CRIP2: variants seen among roughly 807,000 people sequenced by gnomAD.
CRIP2 encodes the protein cysteine-rich protein 2.
CRIP2 carries 31 observed loss-of-function variants against 31.3 expected under a neutral mutation model. That is an observed-to-expected ratio of 0.99 (90% CI 0.74 to 1.34). The LOEUF (loss-of-function observed/expected upper bound fraction) is 1.34. Among genes scored for constraint, CRIP2 ranks in the 40% most tolerant of loss-of-function variants. The pLI is 0.00. For synonymous variants in CRIP2, 177 were observed against 127.2 expected (o/e 1.39, Z -2.63); for missense variants, 389 against 301.6 (o/e 1.29, Z -2.15).
At position 105,478,549 on chromosome 14, in the gene CRIP2, G is replaced by A; in HGVS notation, c.196+42G>A. ...CTCGGCCTGCCCTGGGACCTGCTGG[G>A]AGGGGCGTGGCGCTGGCGCTGGGGA... is the stretch of plus-strand genomic sequence containing the variant. On this transcript the variant is annotated intron_variant, in intron 3 of 7. Transcript: ENST00000329146. The surrounding 1 kb of genome is among the most constrained non-coding windows in gnomAD (Gnocchi z 4.9). 1.3e-6 allele frequency: 2 copies of A among 1,585,910 alleles called. No homozygotes were observed. Among genetic ancestry groups the A allele is most frequent in the Non-Finnish European group, 1.7e-6 (2 of 1,167,962 alleles).
At chr14:105,473,328 G>C (rs1298885156), upstream of CRIP2, 37 of 1,528,172 alleles carry the variant, frequency 2.4e-5, no homozygotes, top group African/African-American at 2.8e-5. Context: ...TCAGTCGGGC[G>C]GGGGGGCGGG....
rs911505843 is a variant in CRIP2, at chr14:105,478,220, C to A, written c.44-46C>A. 3.8e-5 allele frequency: 53 copies of A among 1,404,484 alleles called. No individual in the cohort carries two copies. The highest frequency in any genetic ancestry group is 4.6e-5 in the Non-Finnish European group (49 of 1,066,852). 87.0% of individuals were successfully genotyped at this position (1,404,484 alleles called of 1,614,324 possible). A position where few individuals can be genotyped will look rare whatever the true frequency, so the allele number is the denominator to read the frequency against. The stretch of plus-strand genomic sequence containing the variant: ...CTGCCAGGTGGGGGCGGAGGGGGTG[C>A]GGGGCGCGCCCCGGCCCTGACCCCC... On this transcript the variant is annotated intron_variant, in intron 1 of 7. Coordinates refer to ENST00000329146, the MANE Select transcript of CRIP2 (RefSeq NM_001312.4). The surrounding 1 kb of genome is among the most constrained non-coding windows in gnomAD (Gnocchi z 4.9).
At chr14:105,476,664 A>T (rs1204145150) in intron 1 of CRIP2, 1 of 982,510 alleles carries the variant, frequency 1.0e-6, no homozygotes, top group Non-Finnish European at 1.2e-6. Flanking sequence ...TGCAGCTGCC[A>T]CGGCCGATAG....
rs782384985 is a variant in CRIP2, at chr14:105,479,038, G to T, written c.397G>T (p.Val133Leu). Residue 133 changes from valine to leucine, a missense_variant, in exon 5 of 8, where the codon GTG becomes TTG. Physicochemically the swap from Val to Leu is conservative, Grantham distance 32. Coordinates refer to ENST00000329146, the MANE Select transcript of CRIP2 (RefSeq NM_001312.4). ...CACGTGCCCGCGCTGCAGCAAGAAG[G>T]TGTACTTCGGTGAGTGCGCGCCCGG... The part of the protein sequence containing the change: ...PNTCPRCSKK[V>L]YFAEKVTSLG... 1 of 1,579,322 alleles carries T rather than the reference G, an allele frequency of 6.3e-7. No individual in the cohort carries two copies. Among genetic ancestry groups the T allele is most frequent in the Non-Finnish European group, 8.6e-7 (1 of 1,164,842 alleles).
rs782680635 is a variant in CRIP2, at chr14:105,478,274, G to A, written c.52G>A (p.Val18Met). 1.3e-6 allele frequency: 2 copies of A among 1,558,718 alleles called. No homozygotes were observed. The highest frequency in any genetic ancestry group is 2.8e-5 in the African/African-American group (2 of 72,134). Reference protein sequence around the residue: ...CDKTVYFAEKVSSLGKDWHKF... With the variant: ...CDKTVYFAEKMSSLGKDWHKF... ...CCGCCCCTCCCGCTCAGCCGAGAAGGTGAGCTCCCTGGGGAAGGACTGGCA... is the reference window on the plus strand; with the variant it reads ...CCGCCCCTCCCGCTCAGCCGAGAAGATGAGCTCCCTGGGGAAGGACTGGCA... Residue 18 changes from valine (V) to methionine (M), a missense_variant, in exon 2 of 8, where the codon GTG becomes ATG. Coordinates refer to ENST00000329146, the MANE Select transcript of CRIP2 (RefSeq NM_001312.4). The surrounding 1 kb of genome is among the most constrained non-coding windows in gnomAD (Gnocchi z 4.9).
At chr14:105,477,688 C>CGG (rs1555436108) in intron 1 of CRIP2, 7,414 of 639,874 alleles carry the variant, frequency 0.012, 3,625 homozygotes, top group Non-Finnish European at 0.015. Context: ...TGGGGGGAAG[C>CGG]GGGTGTGTGT....
rs1191405361 is a variant in CRIP2, at chr14:105,480,090, A to G, written c.*437A>G. 2.0e-5 allele frequency: 4 copies of G among 199,888 alleles called. No homozygotes were observed. Among genetic ancestry groups the G allele is most frequent in the African/African-American group, 4.7e-5 (2 of 42,820 alleles). The allele number at this position is 199,888 out of a possible 1,614,324, so 12.4% of individuals were successfully genotyped here. A position where few individuals can be genotyped will look rare whatever the true frequency, so the allele number is the denominator to read the frequency against. ...CTGCCTGGTGCCCACACTGCCTCGC[A>G]AGCGCTCGCCACCCTCACGTGGCTC... On this transcript the variant is annotated 3_prime_UTR_variant, in exon 8 of 8. Coordinates refer to ENST00000329146, the MANE Select transcript of CRIP2 (RefSeq NM_001312.4).
chr14:105,475,724 G>T (rs1375817514), intron 1 of CRIP2: 2 of 725,282 alleles, frequency 2.8e-6, no homozygotes, highest in Non-Finnish European at 3.4e-6. Flanking sequence ...CCCCGTCTGG[G>T]CTTACTCACT....
At chr14:105,477,103 C>T (rs2083947695) in intron 1 of CRIP2, 2 of 259,854 alleles carry the variant, frequency 7.7e-6, no homozygotes, top group Non-Finnish European at 1.2e-5. Context: ...AGGGTGGGCC[C>T]AGCCTGCATG....
At chr14:105,476,330 C>G in intron 1 of CRIP2, 1 of 985,578 alleles carries the variant, frequency 1.0e-6, no homozygotes, top group Non-Finnish European at 1.2e-6. Context: ...ACCCGGCTGG[C>G]TTCTGTCCTG....
intron 1 of CRIP2, chr14:105,475,298 G>A (rs900788431): frequency 4.2e-5 from 8 of 189,108 alleles, no homozygotes; most frequent in Non-Finnish European, 6.5e-5. Context: ...GCGCGCTCCC[G>A]TGGGCCTGGG....
At chr14:105,475,282 C>A (rs1247343727) in intron 1 of CRIP2, 2 of 201,406 alleles carry the variant, frequency 9.9e-6, no homozygotes, top group Admixed American at 6.1e-5. Flanking sequence ...GCCCCGGGTG[C>A]GTCCCGCGCG....
intron 1 of CRIP2, 125 bp downstream of exon 1, chr14:105,475,030 G>A (rs1567059534): frequency 3.6e-6 from 4 of 1,126,594 alleles, no homozygotes; most frequent in Non-Finnish European, 4.5e-6. Context: ...GAGGATGCGC[G>A]TCCCGGAGGC....
In CRIP2 at chr14:105,474,824, G is replaced by T. The variant is rs1193765076; in HGVS notation, c.-39G>T. On this transcript the variant is annotated 5_prime_UTR_variant, in exon 1 of 8. Coordinates refer to ENST00000329146, the MANE Select transcript of CRIP2 (RefSeq NM_001312.4). The surrounding 1 kb of genome is among the most constrained non-coding windows in gnomAD (Gnocchi z 5.1). ...GCGCGGGCGGCGGCGGCCCGGAGGA[G>T]AACGGGCGGAGGGCGCGGGCCGACC... The T allele has an allele frequency of 2.3e-5, 33 of 1,406,798 alleles. No homozygotes were observed. Among genetic ancestry groups the T allele is most frequent in the Admixed American group, 2.1e-4 (8 of 38,542 alleles). 87.1% of individuals were successfully genotyped at this position (1,406,798 alleles called of 1,614,324 possible). A position where few individuals can be genotyped will look rare whatever the true frequency, so the allele number is the denominator to read the frequency against.
At chr14:105,477,720 G>GGGAAGCGGGTGTGTGTGT (rs2083968330) in intron 1 of CRIP2, 13 of 870 alleles carry the variant, frequency 0.015, no homozygotes, top group South Asian at 0.071. Flanking sequence ...GGTGTGTGTG[G>GGGAAGCGGGTGTGTGTGT]GGGGAAGCGG....
upstream of CRIP2, chr14:105,473,589 C>G: frequency 6.9e-7 from 1 of 1,458,100 alleles, no homozygotes; most frequent in South Asian, 1.4e-5. Context: ...CCCATAGGGC[C>G]TGATCACTGG....
chr14:105,478,437 C>T lies in CRIP2; in HGVS notation c.139-13C>T, dbSNP rs1555436396. 4 of 1,601,306 alleles carry T rather than the reference C, an allele frequency of 2.5e-6. No individual in the cohort carries two copies. The highest frequency in any genetic ancestry group is 1.7e-5 in the Admixed American group (1 of 59,452). Reference sequence around the variant, plus strand: ...CCCTCAGGCAGGGTCCTGACCCGCGCCCCTCTGCGCAGCATGACGGGAAGC... The same window carrying T: ...CCCTCAGGCAGGGTCCTGACCCGCGTCCCTCTGCGCAGCATGACGGGAAGC... On this transcript the variant is annotated splice_polypyrimidine_tract_variant and intron_variant, in intron 2 of 7. Transcript: ENST00000329146. The surrounding 1 kb of genome is among the most constrained non-coding windows in gnomAD (Gnocchi z 4.9).
At chr14:105,474,656 TGCCCCGCACCCGCCACCCCCGGCAGGTGC>T (rs1334017216), upstream of CRIP2, 1 of 449,036 alleles carries the variant, frequency 2.2e-6, no homozygotes, top group East Asian at 1.6e-4. This position sits in a 1 kb window ranked among gnomAD's most constrained non-coding sequence, Gnocchi z 5.1. Context: ...CTGGCCCGGC[TGCCCCGCACCCGCCACCCCCGGCAGGTGC>T]GCCCCGCCCC....
rs1221777661 is a variant in CRIP2 at position 105,474,999 on chromosome 14, GCCCGGC to G, written c.43+106_43+111del. ...AGAGCCGCGGCGTAACTCGGGGTGC[GCCCGGC>G]CCCGGCCCCGGACCGAGGATGCGCG... On this transcript the variant is annotated intron_variant, in intron 1 of 7. Coordinates refer to ENST00000329146, the MANE Select transcript of CRIP2 (RefSeq NM_001312.4). The surrounding 1 kb of genome is among the most constrained non-coding windows in gnomAD (Gnocchi z 5.1). The G allele has an allele frequency of 4.4e-5, 57 of 1,293,744 alleles. No homozygotes were observed. In the South Asian group the frequency reaches 6.9e-4, roughly 16 times the overall value. 80.1% of individuals were successfully genotyped at this position (1,293,744 alleles called of 1,614,324 possible). A position where few individuals can be genotyped will look rare whatever the true frequency, so the allele number is the denominator to read the frequency against.
Sources: allele counts gnomAD v4.1 joint callset, GRCh38; gene constraint gnomAD v4.1.1; non-coding constraint Gnocchi (gnomAD v3.1); transcripts MANE v1.5; gene names NCBI Gene and HGNC (gene_info 2026-07-23, HGNC 2026-07-21).